LRRC27: variants seen among roughly 807,000 people sequenced by gnomAD.
LRRC27 encodes the protein leucine-rich repeat-containing protein 27.
A neutral mutation model predicts 55.0 loss-of-function variants in LRRC27; 57 were observed. The ratio of observed to expected loss-of-function variants is 1.04; its 90% CI spans 0.84 to 1.29. The LOEUF (loss-of-function observed/expected upper bound fraction) is 1.29, where lower values mean the gene tolerates loss of function less well. LRRC27 is among the 50% of genes most tolerant of loss of function. The pLI is 0.00. For missense variants in LRRC27, 721 were observed against 651.5 expected (o/e 1.11, Z -1.16); for synonymous variants, 278 against 251.9 (o/e 1.10, Z -0.98).
At chr10:132,336,999 C>T (rs1427598581) in intron 2 of LRRC27, 2 of 951,916 alleles carry the variant, frequency 2.1e-6, no homozygotes, top group Non-Finnish European at 2.9e-6. Flanking sequence ...TTTACAACGC[C>T]ACCGAGTTGA....
chr10:132,353,268 C>T lies in LRRC27; in HGVS notation c.1073+1515C>T, dbSNP rs921135510. The T allele has an allele frequency of 1.2e-5, 15 of 1,253,280 alleles. No individual in the cohort carries two copies. The Admixed American group carries it at 1.7e-4, about 14-fold the overall frequency. 77.6% of individuals were successfully genotyped at this position (1,253,280 alleles called of 1,614,324 possible). ...CCAGCCTCTCCCTCCTTCTGGGTTC[C>T]GACAATCTCTCCTTCCCTGGTCTGT... On this transcript the variant is annotated intron_variant, in intron 7 of 10. Coordinates refer to ENST00000368614, the MANE Select transcript of LRRC27 (RefSeq NM_030626.3).
intron 1 of LRRC27, 54 bp from the exon 2 acceptor site, chr10:132,333,423 G>C: frequency 1.3e-6 from 1 of 763,440 alleles, no homozygotes; most frequent in Non-Finnish European, 2.0e-6. Context: ...CAGCTATTCT[G>C]TTTTGCCTCG....
chr10:132,345,825 T>TA (rs925989700), intron 5 of LRRC27, among the ~76,000 whole-genome samples: 45 of 151,944 alleles, frequency 3.0e-4, no homozygotes, highest in Admixed American at 1.6e-3. Flanking sequence ...AGGATCAGGA[T>TA]AAAAAAGAGG....
In LRRC27 at chr10:132,365,660, G is replaced by A. The variant is rs548285185; in HGVS notation, c.1416+110G>A. ...TCTGTCACCCAGGCTGGAGTGCGGT[G>A]GCACAATCTCGGCTCCCTGCAGCCT... On this transcript the variant is annotated intron_variant, in intron 10 of 10. Transcript: ENST00000368614. 37 of 1,382,544 alleles carry A rather than the reference G, an allele frequency of 2.7e-5. No homozygotes were observed. The African/African-American group carries it at 4.9e-4, about 18-fold the overall frequency. 85.6% of individuals were successfully genotyped at this position (1,382,544 alleles called of 1,614,324 possible).
rs1232881829 is a variant in LRRC27, at chr10:132,364,724, G to A, written c.1290-700G>A. On this transcript the variant is annotated intron_variant, in intron 9 of 10. Coordinates refer to ENST00000368614, the MANE Select transcript of LRRC27 (RefSeq NM_030626.3). ...GGGGCCCCACACTCATGCAGTCCGC[G>A]TCCACACTTACATCTACCTCCACGC... 3.5e-4 allele frequency among the ~76,000 whole-genome samples: 10 copies of A among 28,190 alleles called. 1 individual carries two copies. The South Asian group carries it at 6.7e-3, about 19-fold the overall frequency. The allele number at this position is 28,190 out of a possible 152,430, so 18.5% of individuals were successfully genotyped here.
chr10:132,344,626 C>G lies in LRRC27; in HGVS notation c.529C>G (p.Leu177Val). The change falls in exon 5 of 11, where the codon CTC becomes GTC. Residue 177 changes from leucine to valine, a missense_variant. Leu to Val is a conservative substitution (Grantham distance 32, BLOSUM62 1). Transcript: ENST00000368614. ...FLRMWAVEHS[L>V]PRNPTSQEAP... ...GCGGATGTGGGCAGTAGAACACTCT[C>G]TCCCCAGAAATCCAACTTCTCAAGG... is the stretch of plus-strand genomic sequence containing the variant. 2 of 1,613,988 alleles carry G rather than the reference C, an allele frequency of 1.2e-6. No individual in the cohort carries two copies. The highest frequency in any genetic ancestry group is 1.7e-6 in the Non-Finnish European group (2 of 1,179,880).
At chr10:132,346,169 G>A (rs2067675370) in intron 5 of LRRC27, among the ~76,000 whole-genome samples, 1 of 152,184 alleles carries the variant, frequency 6.6e-6, no homozygotes, top group African/African-American at 2.4e-5. Context: ...AGCAGCCTCG[G>A]GGGCCAGGCA....
intron 7 of LRRC27, chr10:132,352,993 T>G (rs1355195718): frequency 6.2e-7 from 1 of 1,612,628 alleles, no homozygotes; most frequent in African/African-American, 1.3e-5. Context: ...GCGAGGTGTG[T>G]TGGCCGATGG....
At chr10:132,373,354 G>A (rs572186647) in intron 10 of LRRC27, among the ~76,000 whole-genome samples, 16 of 152,132 alleles carry the variant, frequency 1.1e-4, no homozygotes, top group Admixed American at 7.2e-4. Context: ...AGGAGGGCTC[G>A]TCACAAAGGA....
intron 2 of LRRC27, chr10:132,337,297 G>A (rs2067182377): frequency 7.9e-7 from 1 of 1,269,696 alleles, no homozygotes; most frequent in African/African-American, 1.5e-5. Flanking sequence ...TAGAAACAGT[G>A]GTGTGCTGGG....
intron 6 of LRRC27, among the ~76,000 whole-genome samples, chr10:132,350,156 G>T (rs577916669): frequency 3.9e-5 from 6 of 152,296 alleles, no homozygotes; most frequent in African/African-American, 1.4e-4. Flanking sequence ...GAGTGCTCAT[G>T]TCCAAAATAC....
intron 10 of LRRC27, among the ~76,000 whole-genome samples, chr10:132,370,199 C>G (rs2069181905): frequency 6.6e-6 from 1 of 152,182 alleles, no homozygotes; most frequent in Non-Finnish European, 1.5e-5. Context: ...GCTTTAATGC[C>G]TGTCTCGTGT....
At chr10:132,363,915 C>G (rs1300014240) in intron 9 of LRRC27, among the ~76,000 whole-genome samples, 2 of 152,070 alleles carry the variant, frequency 1.3e-5, no homozygotes, top group African/African-American at 4.8e-5. Context: ...CGAAGGCCAA[C>G]TAGGTTGTAT....
intron 8 of LRRC27, among the ~76,000 whole-genome samples, chr10:132,358,419 AGC>A: frequency 4.6e-4 from 5 of 10,988 alleles, no homozygotes; most frequent in East Asian, 3.3e-3. Flanking sequence ...GTGGTGGAGC[AGC>A]GTGGGGAGGA....
At position 132,348,142 on chromosome 10, in the gene LRRC27, C is replaced by T. The variant is rs911409753; in HGVS notation, c.712C>T (p.Pro238Ser). 1 of 1,614,078 alleles carries T rather than the reference C, an allele frequency of 6.2e-7. No homozygotes were observed. The change falls in exon 6 of 11, where the codon CCA becomes TCA. Residue 238 changes from proline to serine, a missense_variant. Physicochemically the swap from Pro to Ser is moderately conservative, Grantham distance 74. Transcript: ENST00000368614. This position sits in a 1 kb window ranked among gnomAD's most constrained non-coding sequence, Gnocchi z 4.2. The part of the protein sequence containing the change: ...KASFLPPVEK[P>S]DLSELRKSAD... The stretch of plus-strand genomic sequence containing the variant: ...CAGCTTTCTCCCACCTGTGGAAAAG[C>T]CAGACCTGAGTGAACTCAGGAAGTC...
intron 10 of LRRC27, among the ~76,000 whole-genome samples, chr10:132,367,164 G>A (rs2069115330): frequency 6.6e-6 from 1 of 152,140 alleles, no homozygotes; most frequent in South Asian, 2.1e-4. Flanking sequence ...TAGTGAAATA[G>A]ATTAATCCCT....
At chr10:132,341,481 A>G (rs1165797564) in intron 3 of LRRC27, among the ~76,000 whole-genome samples, 1 of 152,232 alleles carries the variant, frequency 6.6e-6, no homozygotes, top group Non-Finnish European at 1.5e-5. Context: ...AGATTTTTCC[A>G]TCATTCAACT....
rs762577186 is a variant in LRRC27, at chr10:132,337,646, C to T, written c.292C>T (p.Leu98Phe). The change falls in exon 3 of 11, where the codon CTC (leucine) becomes TTC (phenylalanine). Residue 98 changes from leucine (L) to phenylalanine (F), a missense_variant. By Grantham distance (22) the Leu-to-Phe change is conservative. Coordinates refer to ENST00000368614, the MANE Select transcript of LRRC27 (RefSeq NM_030626.3). ...GCTTCCGAACCTGACTTGGCTGGAC[C>T]TCCGGTACAATAGAATTAAAGCGCT... ...QLLPNLTWLD[L>F]RYNRIKALPS... 4 of 1,614,066 alleles carry T rather than the reference C, an allele frequency of 2.5e-6. No individual in the cohort carries two copies. Among genetic ancestry groups the T allele is most frequent in the Non-Finnish European group, 3.4e-6 (4 of 1,180,032 alleles).
chr10:132,336,947 C>T (rs935849656), intron 2 of LRRC27: 9 of 613,880 alleles, frequency 1.5e-5, no homozygotes, highest in Admixed American at 1.1e-4. Context: ...CTAAAATCAG[C>T]GTGTATACGT....
Sources: allele counts gnomAD v4.1 joint callset (sites outside exome capture counted in the v4.1 genomes callset), GRCh38; gene constraint gnomAD v4.1.1; non-coding constraint Gnocchi (gnomAD v3.1); transcripts MANE v1.5; gene names NCBI Gene and HGNC (gene_info 2026-07-23, HGNC 2026-07-21).